The following C1QTNF1 variants were observed in gnomAD, a reference collection of about 807,000 sequenced individuals.
C1QTNF1 encodes the protein C1q and TNF related 1.
A neutral mutation model predicts 27.8 loss-of-function variants in C1QTNF1; 22 were observed. That is an observed-to-expected ratio of 0.79 (90% confidence interval 0.56 to 1.13). The LOEUF (loss-of-function observed/expected upper bound fraction) is 1.13. Among genes scored for constraint, C1QTNF1 ranks in the 50% most tolerant of loss-of-function variants. The probability of loss-of-function intolerance (pLI) is 0.00; values close to 1 mark genes in which losing one functional copy is unlikely to be tolerated. For missense variants in C1QTNF1, 373 were observed against 380.2 expected (o/e 0.98, Z 0.16); for synonymous variants, 166 against 154.3 (o/e 1.08, Z -0.56).
intron 1 of C1QTNF1, 28 bp from the exon 2 acceptor site, chr17:79,043,927 C>A: frequency 6.2e-7 from 1 of 1,612,120 alleles, no homozygotes; most frequent in Non-Finnish European, 8.5e-7. Flanking sequence ...TAACTCGGTG[C>A]CTTCCCTGTG....
chr17:79,023,671 G>A (rs2071831309), upstream of C1QTNF1, among the ~76,000 whole-genome samples: 1 of 150,666 alleles, frequency 6.6e-6, no homozygotes, highest in South Asian at 2.1e-4. Context: ...CAAAACAGTG[G>A]ACCATCACCT....
chr17:79,029,233 C>T (rs1000052875), intron 1 of C1QTNF1, among the ~76,000 whole-genome samples: 11 of 152,300 alleles, frequency 7.2e-5, no homozygotes, highest in Middle Eastern at 3.4e-3. Context: ...TGGGCGGGAA[C>T]GGTCGCTGCA....
At position 79,046,891 on chromosome 17, in the gene C1QTNF1, A is replaced by C. The variant is rs1599310187; in HGVS notation, c.295+197A>C. On this transcript the variant is annotated intron_variant, in intron 3 of 3. Transcript: ENST00000579760. This position sits in a 1 kb window ranked among gnomAD's most constrained non-coding sequence, Gnocchi z 4.8. ...TTTGAGGCTCTGGCCCCTCTCCAAG[A>C]GGAGGGGTTGGAAAGGGGCCCACAG... 1.4e-5 allele frequency: 10 copies of C among 716,340 alleles called. No individual in the cohort carries two copies. In the East Asian group the frequency reaches 2.6e-4, roughly 18 times the overall value. The allele number at this position is 716,340 out of a possible 1,614,324, so 44.4% of individuals were successfully genotyped here.
At chr17:79,024,869 A>G (rs2071888016) in intron 1 of C1QTNF1, 2 of 152,090 alleles carry the variant, frequency 1.3e-5, no homozygotes, top group African/African-American at 4.8e-5. Context: ...GAGGGTGTGG[A>G]AGGAAGAGGA....
chr17:79,044,199 G>A, intron 2 of C1QTNF1, 76 bp downstream of exon 2: 1 of 1,438,860 alleles, frequency 6.9e-7, no homozygotes, highest in African/African-American at 1.4e-5. Context: ...GGCCCCTGGG[G>A]GAGCTAGTTC....
intron 1 of C1QTNF1, chr17:79,043,175 G>A (rs62644887): frequency 0.085 from 38,083 of 446,694 alleles, 1,917 homozygotes; most frequent in Middle Eastern, 0.13. Flanking sequence ...GTATATGTGT[G>A]TGAGTGCATG....
At chr17:79,043,702 G>C (rs769123305) in intron 1 of C1QTNF1, 23 of 605,286 alleles carry the variant, frequency 3.8e-5, no homozygotes, top group Non-Finnish European at 9.3e-6. Context: ...GCATGTGTGG[G>C]GGTTGCATGT....
In C1QTNF1 at chr17:79,046,532, A is replaced by C; in HGVS notation, c.156-23A>C. On this transcript the variant is annotated intron_variant, in intron 2 of 3. Coordinates refer to ENST00000579760, the MANE Select transcript of C1QTNF1 (RefSeq NM_030968.5). This position sits in a 1 kb window ranked among gnomAD's most constrained non-coding sequence, Gnocchi z 4.8. The stretch of plus-strand genomic sequence containing the variant: ...CCAGGCCTGAGAGTGGCTGACTTTC[A>C]CTGTGATTCTTTATTCCCTCAGGGC... 6.2e-7 allele frequency: 1 copy of C among 1,613,862 alleles called. No homozygotes were observed. Among genetic ancestry groups the C allele is most frequent in the Non-Finnish European group, 8.5e-7 (1 of 1,179,850 alleles).
chr17:79,043,244 G>A (rs1689630099), intron 1 of C1QTNF1: 1 of 453,368 alleles, frequency 2.2e-6, no homozygotes, highest in Non-Finnish European at 4.4e-6. Context: ...ATGTGATATG[G>A]GTATATGTAT....
chr17:79,044,009 T>A lies in C1QTNF1; in HGVS notation c.41T>A (p.Leu14Gln). 6.2e-7 allele frequency: 1 copy of A among 1,614,224 alleles called. No individual in the cohort carries two copies. Among genetic ancestry groups the A allele is most frequent in the Admixed American group, 1.7e-5 (1 of 60,034 alleles). Residue 14 changes from leucine (L) to glutamine (Q), a missense_variant, in exon 2 of 4, where the codon CTG (leucine) becomes CAG (glutamine). Physicochemically the swap from Leu to Gln is moderately radical, Grantham distance 113. Coordinates refer to ENST00000579760, the MANE Select transcript of C1QTNF1 (RefSeq NM_030968.5). Reference sequence around the variant, plus strand: ...CAGGGACTCTTGCTGGCGTACTGCCTGCTCCTTGCCTTTGCCTCTGGCCTG... The same window carrying A: ...CAGGGACTCTTGCTGGCGTACTGCCAGCTCCTTGCCTTTGCCTCTGGCCTG... Reference protein sequence around the residue: ...RGQGLLLAYCLLLAFASGLVL... With the variant: ...RGQGLLLAYCQLLAFASGLVL...
chr17:79,027,738 G>A (rs2072009808), intron 1 of C1QTNF1: 1 of 152,330 alleles, frequency 6.6e-6, no homozygotes. Context: ...CCTTGTCAAG[G>A]TCACGGCTGT....
chr17:79,031,707 G>C (rs946466146), intron 1 of C1QTNF1, among the ~76,000 whole-genome samples: 4 of 152,208 alleles, frequency 2.6e-5, no homozygotes, highest in Admixed American at 2.6e-4. Flanking sequence ...GCCTCCCAAA[G>C]TGCTGGGATT....
At position 79,046,339 on chromosome 17, in the gene C1QTNF1, G is replaced by A. The variant is rs778010929; in HGVS notation, c.156-216G>A. Among the ~76,000 whole-genome samples, 5 of 152,174 alleles carry A rather than the reference G, an allele frequency of 3.3e-5. No individual in the cohort carries two copies. The highest frequency in any genetic ancestry group is 7.4e-5 in the Non-Finnish European group (5 of 68,020). The stretch of plus-strand genomic sequence containing the variant: ...AATTGATCGCTGCGTGTGTTTCCAG[G>A]ACTGTCATTGCCTTTAACAGAGGGC... On this transcript the variant is annotated intron_variant, in intron 2 of 3. Transcript: ENST00000579760. This position sits in a 1 kb window ranked among gnomAD's most constrained non-coding sequence, Gnocchi z 4.8.
chr17:79,027,500 C>G (rs2072001851), intron 1 of C1QTNF1: 1 of 152,352 alleles, frequency 6.6e-6, no homozygotes, highest in Non-Finnish European at 1.5e-5. Context: ...TCCTTGGGGC[C>G]CTGTCCTGGG....
chr17:79,023,088 G>A (rs2071819656), upstream of C1QTNF1: 1 of 152,280 alleles, frequency 6.6e-6, no homozygotes, highest in Admixed American at 6.6e-5. Context: ...GGCAGGGAAA[G>A]GTGAGGCCTC....
At chr17:79,035,834 C>CT (rs1568064286) in intron 1 of C1QTNF1, among the ~76,000 whole-genome samples, 1 of 152,156 alleles carries the variant, frequency 6.6e-6, no homozygotes, top group Non-Finnish European at 1.5e-5. Flanking sequence ...GGGGCAATGT[C>CT]TAGACCCTGG....
chr17:79,036,363 TG>T (rs1359851949), intron 1 of C1QTNF1, among the ~76,000 whole-genome samples: 1 of 152,066 alleles, frequency 6.6e-6, no homozygotes, highest in African/African-American at 2.4e-5. Context: ...TTTGTAGAGA[TG>T]GGGTCTCGAT....
At chr17:79,027,752 A>G (rs1405843781) in intron 1 of C1QTNF1, 9 of 152,260 alleles carry the variant, frequency 5.9e-5, no homozygotes, top group Admixed American at 5.9e-4. Context: ...CGGCTGTGTG[A>G]CACTTGTGCT....
chr17:79,048,067 C>T lies in C1QTNF1; in HGVS notation c.825C>T (p.Val275=). The T allele has an allele frequency of 6.4e-7, 1 of 1,570,750 alleles. No homozygotes were observed. The highest frequency in any genetic ancestry group is 8.6e-7 in the Non-Finnish European group (1 of 1,162,498). Residue 275 remains valine (V), a synonymous_variant, in exon 4 of 4, where the codon GTC becomes GTT. Coordinates refer to ENST00000579760, the MANE Select transcript of C1QTNF1 (RefSeq NM_030968.5). ...ACATCACCTTCAGTGGCTACCTGGT[C>T]AAGCACGCCACCGAGCCCTAGCTGG... ...DTYITFSGYL[V]KHATEP is the part of the protein sequence containing the mutation.
Sources: allele counts gnomAD v4.1 joint callset (sites outside exome capture counted in the v4.1 genomes callset), GRCh38; gene constraint gnomAD v4.1.1; non-coding constraint Gnocchi (gnomAD v3.1); transcripts MANE v1.5; gene names NCBI Gene and HGNC (gene_info 2026-07-23, HGNC 2026-07-21).